GPR158: variants seen among roughly 807,000 people sequenced by gnomAD.
The protein encoded by GPR158 is metabotropic glycine receptor.
A neutral mutation model predicts 78.2 loss-of-function variants in GPR158; 30 were observed. That is an observed-to-expected ratio of 0.38 (90% confidence interval 0.29 to 0.52). The LOEUF (loss-of-function observed/expected upper bound fraction) is 0.52. GPR158 is among the 20% of genes least tolerant of loss of function. The probability of loss-of-function intolerance (pLI) is 0.83; values close to 1 mark genes in which losing one functional copy is unlikely to be tolerated. For missense variants in GPR158, 1,463 were observed against 1,523.5 expected (o/e 0.96, Z 0.66); for synonymous variants, 581 against 591.1 (o/e 0.98, Z 0.25).
chr10:25,317,069 A>G (rs538951390), intron 2 of GPR158, among the ~76,000 whole-genome samples: 1 of 148,908 alleles, frequency 6.7e-6, no homozygotes, highest in Non-Finnish European at 1.5e-5. Flanking sequence ...TTTTTTTGAG[A>G]CAAGGTCTCA....
chr10:25,178,149 G>A (rs924141371), intron 1 of GPR158, among the ~76,000 whole-genome samples: 2 of 152,178 alleles, frequency 1.3e-5, no homozygotes, highest in African/African-American at 4.8e-5. Flanking sequence ...ACAACCTTAT[G>A]AGTTAGGTTT....
chr10:25,300,717 T>C (rs1854579556), intron 2 of GPR158, among the ~76,000 whole-genome samples: 1 of 152,154 alleles, frequency 6.6e-6, no homozygotes, highest in South Asian at 2.1e-4. Context: ...CAAATTTATC[T>C]TTTTATAATG....
intron 1 of GPR158, among the ~76,000 whole-genome samples, chr10:25,215,212 A>G (rs1853191855): frequency 6.6e-6 from 1 of 152,238 alleles, no homozygotes; most frequent in East Asian, 1.9e-4. Flanking sequence ...AATACATGCT[A>G]CAACATGGAT....
chr10:25,279,443 A>G (rs977401234), intron 2 of GPR158, among the ~76,000 whole-genome samples: 16 of 152,252 alleles, frequency 1.1e-4, no homozygotes, highest in African/African-American at 3.1e-4. Context: ...GACCGAGTCC[A>G]ATGAACATCC....
intron 5 of GPR158, among the ~76,000 whole-genome samples, chr10:25,483,319 A>G (rs1250338360): frequency 6.6e-6 from 1 of 151,962 alleles, no homozygotes; most frequent in East Asian, 1.9e-4. Context: ...ATTGTTCTCA[A>G]ACCGACCAGG....
intron 1 of GPR158, among the ~76,000 whole-genome samples, chr10:25,204,250 T>C (rs1852982370): frequency 6.6e-6 from 1 of 152,186 alleles, no homozygotes; most frequent in African/African-American, 2.4e-5. Context: ...TTTATTTCTT[T>C]CTCCTGCCTG....
chr10:25,351,711 T>C (rs938210439), intron 2 of GPR158, among the ~76,000 whole-genome samples: 1 of 74,500 alleles, frequency 1.3e-5, no homozygotes, highest in Non-Finnish European at 2.3e-5. Context: ...TTTTTCTTTC[T>C]TTTTTTTTTT....
intron 5 of GPR158, among the ~76,000 whole-genome samples, chr10:25,478,619 C>A (rs1409532389): frequency 6.6e-6 from 1 of 151,282 alleles, no homozygotes; most frequent in Non-Finnish European, 1.5e-5. Context: ...TTAACAAAAC[C>A]CAGATATTAC....
chr10:25,326,825 T>C (rs897435350), intron 2 of GPR158, among the ~76,000 whole-genome samples: 5 of 152,218 alleles, frequency 3.3e-5, no homozygotes, highest in Non-Finnish European at 5.9e-5. Flanking sequence ...CATATACATA[T>C]ATCAAAACAT....
rs1837473477 is a variant in GPR158 at position 25,600,093 on chromosome 10, A to C, written c.*819A>C. 6.6e-6 allele frequency: 1 copy of C among 152,610 alleles called. No homozygotes were observed. Among genetic ancestry groups the C allele is most frequent in the Non-Finnish European group, 1.5e-5 (1 of 68,036 alleles). The allele number at this position is 152,610 out of a possible 1,614,324, so 9.5% of individuals were successfully genotyped here. On this transcript the variant is annotated 3_prime_UTR_variant, in exon 11 of 11. Coordinates refer to ENST00000376351, the MANE Select transcript of GPR158 (RefSeq NM_020752.3). The stretch of plus-strand genomic sequence containing the variant: ...CATGGTTTGTTATACTGTCTTAATC[A>C]GGGTTTTTTATACAAGTTGAGTTAC...
chr10:25,570,425 C>G (rs1452809595), intron 6 of GPR158, among the ~76,000 whole-genome samples: 9 of 152,152 alleles, frequency 5.9e-5, no homozygotes, highest in Non-Finnish European at 1.2e-4. Context: ...ATTGTTCTCT[C>G]TATAGCATAA....
rs895826377 is a variant in GPR158, at chr10:25,601,943, G to C, written c.*2669G>C. 6.6e-6 allele frequency: 1 copy of C among 152,574 alleles called. No homozygotes were observed. The highest frequency in any genetic ancestry group is 2.4e-5 in the African/African-American group (1 of 41,428). 9.5% of individuals were successfully genotyped at this position (152,574 alleles called of 1,614,324 possible). The stretch of plus-strand genomic sequence containing the variant: ...CCATTGTAAACTTTGGTGGCAATAT[G>C]GATTTGAAACTCGACAGTTCTCTTG... On this transcript the variant is annotated 3_prime_UTR_variant, in exon 11 of 11. Transcript: ENST00000376351.
At chr10:25,482,190 T>A (rs1370237266) in intron 5 of GPR158, among the ~76,000 whole-genome samples, 1 of 152,040 alleles carries the variant, frequency 6.6e-6, no homozygotes, top group Non-Finnish European at 1.5e-5. Context: ...AAAATTCTAT[T>A]CTTTTTTTTA....
rs1452302619 is a variant in GPR158 at position 25,520,886 on chromosome 10, G to A, written c.1405-30090G>A. Among the ~76,000 whole-genome samples the A allele has an allele frequency of 3.3e-5, 5 of 152,354 alleles. No homozygotes were observed. In the South Asian group the frequency reaches 8.3e-4, roughly 25 times the overall value. ...GGCAGGCCTCCTTGAGCTGTGGTGG[G>A]CTCCGCCCAGTTGGAGCTTCCCGGC... On this transcript the variant is annotated intron_variant, in intron 5 of 10. Transcript: ENST00000376351.
At chr10:25,189,283 G>C (rs550578034) in intron 1 of GPR158, among the ~76,000 whole-genome samples, 2 of 152,206 alleles carry the variant, frequency 1.3e-5, no homozygotes, top group East Asian at 3.9e-4. Flanking sequence ...CCCATTACTG[G>C]GTATACGCCC....
intron 4 of GPR158, among the ~76,000 whole-genome samples, chr10:25,425,629 A>G (rs930099625): frequency 3.9e-5 from 6 of 152,098 alleles, no homozygotes; most frequent in Non-Finnish European, 8.8e-5. Flanking sequence ...GTGGGAGAAA[A>G]TCTTCACGAC....
At chr10:25,378,860 T>C (rs936001742) in intron 2 of GPR158, among the ~76,000 whole-genome samples, 3 of 152,086 alleles carry the variant, frequency 2.0e-5, no homozygotes, top group African/African-American at 4.8e-5. Context: ...GGCACAATCA[T>C]AGCTCACTGC....
At chr10:25,278,012 T>TA (rs955837599) in intron 2 of GPR158, among the ~76,000 whole-genome samples, 16 of 152,160 alleles carry the variant, frequency 1.1e-4, no homozygotes, top group African/African-American at 3.1e-4. Context: ...AAAACTTCCT[T>TA]AAAAAAACCA....
At chr10:25,545,243 A>T (rs1836647567) in intron 5 of GPR158, among the ~76,000 whole-genome samples, 1 of 152,140 alleles carries the variant, frequency 6.6e-6, no homozygotes, top group Non-Finnish European at 1.5e-5. Context: ...TGCTGGGTCA[A>T]ATGTTATTTC....
Sources: allele counts gnomAD v4.1 joint callset (sites outside exome capture counted in the v4.1 genomes callset), GRCh38; gene constraint gnomAD v4.1.1; transcripts MANE v1.5; gene names NCBI Gene and HGNC (gene_info 2026-07-23, HGNC 2026-07-21).